The following CKMT2 variants were observed in gnomAD, a reference collection of about 807,000 sequenced individuals.
CKMT2 encodes the protein creatine kinase S-type, mitochondrial.
A neutral mutation model predicts 48.9 loss-of-function variants in CKMT2; 43 were observed. The ratio of observed to expected loss-of-function variants is 0.88; its 90% CI spans 0.69 to 1.13. CKMT2 has a LOEUF of 1.13. Ranked by LOEUF, CKMT2 falls within the 50% of genes most tolerant of loss-of-function variation. CKMT2 has a pLI of 0.00. For missense variants in CKMT2, 472 were observed against 555.4 expected, an observed-to-expected ratio of 0.85 and a Z score of 1.51; for synonymous variants, 206 against 213.0, an observed-to-expected ratio of 0.97 and a Z score of 0.29.
rs1314274851 is a variant in CKMT2, at chr5:81,259,629, T to C, written c.1014+375T>C. Among the ~76,000 whole-genome samples the C allele has an allele frequency of 2.0e-5, 3 of 152,172 alleles. No homozygotes were observed. In the East Asian group the frequency reaches 5.8e-4, roughly 29 times the overall value. On this transcript the variant is annotated intron_variant, in intron 8 of 9. Transcript: ENST00000254035. ...AAGGACTTGGTAAAACACAAGTTGC[T>C]AGGCCCCACCTGCAGAATTCACATT...
In CKMT2 at chr5:81,256,959, T is replaced by C. The variant is rs1580452392; in HGVS notation, c.714T>C (p.Cys238=). 1 of 1,614,120 alleles carries C rather than the reference T, an allele frequency of 6.2e-7. No individual in the cohort carries two copies. The highest frequency in any genetic ancestry group is 8.5e-7 in the Non-Finnish European group (1 of 1,179,972). Residue 238 remains cysteine, a synonymous_variant, in exon 6 of 10, where the codon TGT becomes TGC. Transcript: ENST00000254035. ...AGCCAGTGTCCCCTTTATTAACATG[T>C]GCTGGGATGGCCCGTGACTGGCCAG... is the stretch of plus-strand genomic sequence containing the variant. The part of the protein sequence containing the change: ...FDKPVSPLLT[C]AGMARDWPDA...
At position 81,259,122 on chromosome 5, in the gene CKMT2, A is replaced by G. The variant is rs750469265; in HGVS notation, c.882A>G (p.Val294=). The G allele has an allele frequency of 2.5e-6, 4 of 1,612,532 alleles. No individual in the cohort carries two copies. Among genetic ancestry groups the G allele is most frequent in the Non-Finnish European group, 3.4e-6 (4 of 1,179,282 alleles). ...GTTCACTGTGGTTCTACTTGTAGGT[A>G]GAACGGTTAATCCAAGAACGAGGCT... ...FERFCRGLKE[V]ERLIQERGWE... is the part of the protein sequence containing the mutation. Residue 294 remains valine (V), a splice_region_variant and synonymous_variant, in exon 8 of 10, where the codon GTA becomes GTG. Transcript: ENST00000254035.
At chr5:81,242,982 T>G (rs981415325) in intron 1 of CKMT2, among the ~76,000 whole-genome samples, 2 of 152,210 alleles carry the variant, frequency 1.3e-5, no homozygotes, top group Admixed American at 6.5e-5. Context: ...GCTTTTAAAT[T>G]ATTATCTTCT....
chr5:81,251,025 C>T, intron 1 of CKMT2, 88 bp from the exon 2 acceptor site: 1 of 910,216 alleles, frequency 1.1e-6, no homozygotes, highest in Non-Finnish European at 1.7e-6. Context: ...GAGGCTATGG[C>T]TCCTGCAGTT....
intron 1 of CKMT2, among the ~76,000 whole-genome samples, chr5:81,250,298 C>T (rs1756759988): frequency 6.6e-6 from 1 of 152,172 alleles, no homozygotes; most frequent in Non-Finnish European, 1.5e-5. Flanking sequence ...GTTGCTTGCT[C>T]ATAACTATGA....
In CKMT2 at chr5:81,260,080, C is replaced by T. The variant is rs554028311; in HGVS notation, c.1014+826C>T. Among the ~76,000 whole-genome samples the T allele has an allele frequency of 5.3e-5, 8 of 152,204 alleles. No individual in the cohort carries two copies. In the South Asian group the frequency reaches 6.2e-4, roughly 12 times the overall value. ...ATTAAGAAACTCACTCAAAACCGCA[C>T]GAATACATGGAAATTGAACAACCTG... is the stretch of plus-strand genomic sequence containing the variant. On this transcript the variant is annotated intron_variant, in intron 8 of 9. Transcript: ENST00000254035.
rs780452182 is a variant in CKMT2, at chr5:81,251,166, C to T, written c.34C>T (p.Arg12Cys). Residue 12 changes from arginine to cysteine, a missense_variant, in exon 2 of 10, where the codon CGC becomes TGC. Transcript: ENST00000254035. ...TATCTTTTCTAAGTTGCTAACTGGC[C>T]GCAATGCTTCTCTGCTGTTTGCTAC... ...ASIFSKLLTG[R>C]NASLLFATMG... The T allele has an allele frequency of 8.7e-6, 14 of 1,613,910 alleles. No individual in the cohort carries two copies. The highest frequency in any genetic ancestry group is 1.1e-5 in the Non-Finnish European group (13 of 1,179,964).
At chr5:81,253,168 A>G (rs1426728475) in intron 3 of CKMT2, among the ~76,000 whole-genome samples, 3 of 152,202 alleles carry the variant, frequency 2.0e-5, no homozygotes, top group Non-Finnish European at 4.4e-5. Flanking sequence ...GAGCTTGTCA[A>G]GTGGATGAGT....
In CKMT2 at chr5:81,256,974, T is replaced by C. The variant is rs538058709; in HGVS notation, c.729T>C (p.Arg243=). The C allele has an allele frequency of 1.2e-6, 2 of 1,614,034 alleles. No individual in the cohort carries two copies. Among genetic ancestry groups the C allele is most frequent in the Admixed American group, 1.7e-5 (1 of 59,984 alleles). ...SPLLTCAGMA[R]DWPDARGIWH... is the part of the protein sequence containing the mutation. Reference sequence around the variant, plus strand: ...TATTAACATGTGCTGGGATGGCCCGTGACTGGCCAGATGCCAGGGGAATCT... The same window carrying C: ...TATTAACATGTGCTGGGATGGCCCGCGACTGGCCAGATGCCAGGGGAATCT... Residue 243 remains arginine (R), a synonymous_variant, in exon 6 of 10, where the codon CGT becomes CGC. Coordinates refer to ENST00000254035, the MANE Select transcript of CKMT2 (RefSeq NM_001099735.2).
chr5:81,252,756 A>C lies in CKMT2; in HGVS notation c.214A>C (p.Ile72Leu). 1.9e-6 allele frequency: 3 copies of C among 1,614,158 alleles called. No individual in the cohort carries two copies. Among genetic ancestry groups the C allele is most frequent in the Non-Finnish European group, 2.5e-6 (3 of 1,180,030 alleles). The change falls in exon 3 of 10, where the codon ATT becomes CTT. Residue 72 changes from isoleucine (I) to leucine (L), a missense_variant. Physicochemically the swap from Ile to Leu is conservative, Grantham distance 5. Transcript: ENST00000254035. The part of the protein sequence containing the change: ...NCMAECLTPA[I>L]YAKLRNKVTP... Reference sequence around the variant, plus strand: ...CATGGCCGAGTGCCTCACCCCCGCCATTTATGCCAAGCTTCGCAACAAGGT... The same window carrying C: ...CATGGCCGAGTGCCTCACCCCCGCCCTTTATGCCAAGCTTCGCAACAAGGT...
At chr5:81,256,813 C>G (rs773083109) in intron 5 of CKMT2, 102 bp from the exon 6 acceptor site, 14 of 764,200 alleles carry the variant, frequency 1.8e-5, no homozygotes, top group Non-Finnish European at 2.4e-5. Context: ...GCCTAAGAGA[C>G]AGCAGCCATG....
At chr5:81,265,920 A>G (rs1384022226) in intron 9 of CKMT2, among the ~76,000 whole-genome samples, 2 of 152,216 alleles carry the variant, frequency 1.3e-5, no homozygotes, top group Non-Finnish European at 2.9e-5. Context: ...GTTTTCACAT[A>G]GTAAAAAAGC....
At chr5:81,244,088 G>A in intron 1 of CKMT2, 1 of 985,186 alleles carries the variant, frequency 1.0e-6, no homozygotes, top group Non-Finnish European at 1.2e-6. Context: ...TAAACGGGTT[G>A]GGGAGGAACC....
Position 81,251,258 on chromosome 5 carries a change from G to A in CKMT2, c.126G>A (p.Arg42=). 6.2e-7 allele frequency: 1 copy of A among 1,614,078 alleles called. No individual in the cohort carries two copies. Among genetic ancestry groups the A allele is most frequent in the Non-Finnish European group, 8.5e-7 (1 of 1,180,002 alleles). Residue 42 remains arginine (R), a synonymous_variant, in exon 2 of 10, where the codon CGG becomes CGA. Transcript: ENST00000254035. The stretch of plus-strand genomic sequence containing the variant: ...GGCAGAAAGTGTGTGCCGAGGTCCG[G>A]GAGCAGCCTAGGCTATTTCCTCCAA... ...LNRQKVCAEV[R]EQPRLFPPSA...
In CKMT2 at chr5:81,259,780, A is replaced by G. The variant is rs1286060603; in HGVS notation, c.1014+526A>G. 1.1e-3 allele frequency among the ~76,000 whole-genome samples: 163 copies of G among 152,338 alleles called. 1 individual carries two copies. The highest frequency in any genetic ancestry group is 1.7e-3 in the East Asian group (9 of 5,182). On this transcript the variant is annotated intron_variant, in intron 8 of 9. Transcript: ENST00000254035. ...TAGACTCCCACACAATAACAGTGAG[A>G]GACTTTAACACCCCATTGTCAATAT...
intron 7 of CKMT2, 75 bp downstream of exon 7, chr5:81,257,931 C>T (rs1757074503): frequency 7.1e-7 from 1 of 1,410,052 alleles, no homozygotes; most frequent in African/African-American, 1.5e-5. Context: ...AAAGAAGACA[C>T]TATGGTAACT....
At chr5:81,236,530 TG>T (rs1249284195) in intron 1 of CKMT2, among the ~76,000 whole-genome samples, 6 of 152,206 alleles carry the variant, frequency 3.9e-5, no homozygotes, top group Non-Finnish European at 7.3e-5. Flanking sequence ...CCTTACATAA[TG>T]CATGGCTCAT....
chr5:81,233,582 G>C (rs541263518), intron 1 of CKMT2, among the ~76,000 whole-genome samples: 5 of 152,288 alleles, frequency 3.3e-5, no homozygotes, highest in East Asian at 1.9e-4. Context: ...GCACACAGGT[G>C]GGGGCAGCTC....
chr5:81,261,970 C>G (rs894014026), intron 8 of CKMT2, among the ~76,000 whole-genome samples: 1 of 152,178 alleles, frequency 6.6e-6, no homozygotes, highest in African/African-American at 2.4e-5. Context: ...ACTAAAACAG[C>G]ATGGTACTTG....
Sources: allele counts gnomAD v4.1 joint callset (sites outside exome capture counted in the v4.1 genomes callset), GRCh38; gene constraint gnomAD v4.1.1; transcripts MANE v1.5; gene names NCBI Gene and HGNC (gene_info 2026-07-23, HGNC 2026-07-21).